Variants in HIVEP3 observed in about 807,000 individuals in gnomAD.
HIVEP3 encodes transcription factor HIVEP3.
A neutral mutation model predicts 152.8 loss-of-function variants in HIVEP3; 49 were observed. That is an observed-to-expected ratio of 0.32 (90% CI 0.26 to 0.41). The LOEUF (loss-of-function observed/expected upper bound fraction) is 0.41. HIVEP3 is among the 10% of genes least tolerant of loss of function. The pLI is 1.00. For synonymous variants in HIVEP3, 1,269 were observed against 1,289.0 expected, an observed-to-expected ratio of 0.98 and a Z score of 0.33; for missense variants, 2,790 against 3,103.3, an observed-to-expected ratio of 0.90 and a Z score of 2.40.
intron 1 of HIVEP3, among the ~76,000 whole-genome samples, chr1:41,936,549 A>T (rs1481168540): frequency 1.3e-5 from 2 of 152,234 alleles, no homozygotes; most frequent in Non-Finnish European, 2.9e-5. Flanking sequence ...ATAAAATATC[A>T]CAGAGTAATA....
chr1:41,551,192 A>G (rs1010670682), intron 5 of HIVEP3, among the ~76,000 whole-genome samples: 38 of 152,182 alleles, frequency 2.5e-4, no homozygotes, highest in Admixed American at 3.9e-4. Context: ...TGATTTGTGT[A>G]TGTTGAACCA....
intron 1 of HIVEP3, among the ~76,000 whole-genome samples, chr1:41,886,779 G>T (rs1644355114): frequency 6.7e-6 from 1 of 148,832 alleles, no homozygotes; most frequent in Non-Finnish European, 1.5e-5. Context: ...AGAGCCAGAA[G>T]CTAGAGCATA....
chr1:41,512,082 G>T (rs994847089), intron 8 of HIVEP3, among the ~76,000 whole-genome samples: 2 of 152,128 alleles, frequency 1.3e-5, no homozygotes, highest in African/African-American at 4.8e-5. Flanking sequence ...GATGGGGATG[G>T]GGTGGGGGAT....
intron 5 of HIVEP3, among the ~76,000 whole-genome samples, chr1:41,541,089 T>C (rs1481069048): frequency 6.6e-6 from 1 of 151,750 alleles, no homozygotes; most frequent in African/African-American, 2.4e-5. Context: ...AGGCATGGGG[T>C]GTTGATGCAT....
chr1:41,985,584 T>C (rs1398470628), intron 1 of HIVEP3, among the ~76,000 whole-genome samples: 3 of 152,184 alleles, frequency 2.0e-5, no homozygotes, highest in South Asian at 2.1e-4. Flanking sequence ...TTCCCAAAGG[T>C]CTTACTTCCT....
intron 1 of HIVEP3, among the ~76,000 whole-genome samples, chr1:41,747,679 A>T (rs1380498237): frequency 6.6e-6 from 1 of 152,208 alleles, no homozygotes; most frequent in African/African-American, 2.4e-5. Flanking sequence ...TATTATCTGT[A>T]TCTTTCAAGT....
chr1:41,996,314 CA>C (rs1645395609), intron 1 of HIVEP3, among the ~76,000 whole-genome samples: 1 of 150,746 alleles, frequency 6.6e-6, no homozygotes, highest in African/African-American at 2.4e-5. Flanking sequence ...TGCTTGAGCA[CA>C]AGAGTTTGAG....
intron 1 of HIVEP3, among the ~76,000 whole-genome samples, chr1:41,973,557 G>A (rs1217978280): frequency 6.6e-6 from 1 of 152,224 alleles, no homozygotes; most frequent in Non-Finnish European, 1.5e-5. Flanking sequence ...AAAGAGAGAG[G>A]CAGAGACAGA....
chr1:41,886,712 CAAAAAAAAAAAAAAA>C (rs71062602), intron 1 of HIVEP3, among the ~76,000 whole-genome samples: 10 of 87,796 alleles, frequency 1.1e-4, no homozygotes, highest in Non-Finnish European at 1.9e-4. Context: ...AACTCCATTT[CAAAAAAAAAAAAAAA>C]AAAAAAAAAA....
chr1:41,958,007 G>C (rs1358249070), intron 1 of HIVEP3, among the ~76,000 whole-genome samples: 2 of 152,198 alleles, frequency 1.3e-5, no homozygotes, highest in Non-Finnish European at 2.9e-5. Flanking sequence ...TGGAGAAGCA[G>C]AGTTTGGCAT....
Position 41,582,921 on chromosome 1 carries a change from C to G in HIVEP3, c.1877G>C (p.Ser626Thr), listed in dbSNP as rs750155438. Residue 626 changes from serine (S) to threonine (T), a missense_variant, in exon 4 of 9, where the codon AGC becomes ACC. By Grantham distance (58) the Ser-to-Thr change is moderately conservative. This residue lies in a region of HIVEP3 where 339 missense variants were observed against 327.0 expected (regional missense o/e 1.04). Coordinates refer to ENST00000372583, the MANE Select transcript of HIVEP3 (RefSeq NM_024503.5). This position sits in a 1 kb window ranked among gnomAD's most constrained non-coding sequence, Gnocchi z 4.7. ...KPSDEVEPKE[S>T]ELTKKTKKGL... is the part of the protein sequence containing the mutation. ...CTTCTTGGTCTTTTTGGTAAGCTCG[C>G]TTTCCTTGGGTTCCACTTCGTCCGA... 1 of 1,614,166 alleles carries G rather than the reference C, an allele frequency of 6.2e-7. No homozygotes were observed. The highest frequency in any genetic ancestry group is 1.1e-5 in the South Asian group (1 of 91,090).
chr1:41,687,598 G>A (rs1369866158), intron 2 of HIVEP3, among the ~76,000 whole-genome samples: 1 of 152,202 alleles, frequency 6.6e-6, no homozygotes, highest in Non-Finnish European at 1.5e-5. Context: ...CTCTGGGCCT[G>A]GCCCAGCTGC....
chr1:41,955,747 G>A (rs995123098), intron 1 of HIVEP3, among the ~76,000 whole-genome samples: 18 of 152,268 alleles, frequency 1.2e-4, no homozygotes, highest in Admixed American at 3.9e-4. Context: ...TGAGTTACCC[G>A]GAGAAGTTAA....
chr1:41,808,058 A>G (rs1481089043), intron 1 of HIVEP3, among the ~76,000 whole-genome samples: 1 of 152,232 alleles, frequency 6.6e-6, no homozygotes, highest in Non-Finnish European at 1.5e-5. Context: ...GGCATCCACT[A>G]TGGGCTAGAC....
intron 1 of HIVEP3, among the ~76,000 whole-genome samples, chr1:41,754,445 G>A (rs1299283797): frequency 6.6e-6 from 1 of 152,326 alleles, no homozygotes; most frequent in East Asian, 1.9e-4. Context: ...CCAAGGTAAT[G>A]GCAATGGAGG....
intron 1 of HIVEP3, among the ~76,000 whole-genome samples, chr1:41,813,910 C>A (rs535910937): frequency 6.6e-6 from 1 of 152,178 alleles, no homozygotes; most frequent in East Asian, 1.9e-4. Flanking sequence ...TTCAGCACTG[C>A]GGCCTGGGCT....
chr1:41,679,714 C>T (rs1646010015), intron 2 of HIVEP3, among the ~76,000 whole-genome samples: 1 of 152,208 alleles, frequency 6.6e-6, no homozygotes, highest in South Asian at 2.1e-4. Context: ...AAGGCTCAGC[C>T]CTGCCCATCA....
chr1:41,572,361 C>A (rs1435823272), intron 5 of HIVEP3, among the ~76,000 whole-genome samples: 1 of 152,182 alleles, frequency 6.6e-6, no homozygotes, highest in Non-Finnish European at 1.5e-5. Flanking sequence ...GAGCTGCCAT[C>A]ACACCTGTAG....
intron 5 of HIVEP3, among the ~76,000 whole-genome samples, chr1:41,532,290 T>C (rs1383963200): frequency 7.0e-6 from 1 of 143,208 alleles, no homozygotes; most frequent in East Asian, 2.1e-4. Context: ...ACAGGAGAGA[T>C]GGAGCACAGG....
Sources: gnomAD v4.1 joint callset for allele counts (sites outside exome capture counted in the v4.1 genomes callset) on GRCh38, gnomAD v4.1.1 for gene constraint, gnomAD v4.1.1 regional missense constraint, Gnocchi (gnomAD v3.1) non-coding constraint, MANE v1.5 for transcripts, NCBI Gene and HGNC (gene_info 2026-07-23, HGNC 2026-07-21) for gene names.